Variants in TOX2 observed in about 807,000 individuals in gnomAD.
TOX2 encodes the protein TOX high mobility group box family member 2.
In TOX2, 15 loss-of-function variants were observed where a neutral mutation model predicts 47.4. The observed-to-expected ratio is 0.32, with a 90% CI of 0.21 to 0.49. TOX2 has a LOEUF of 0.49. TOX2 is among the 20% of genes least tolerant of loss of function. The probability of loss-of-function intolerance (pLI) is 0.99; values close to 1 mark genes in which losing one functional copy is unlikely to be tolerated. For synonymous variants in TOX2, 290 were observed against 296.6 expected, an observed-to-expected ratio of 0.98 and a Z score of 0.23; for missense variants, 622 against 673.1, an observed-to-expected ratio of 0.92 and a Z score of 0.84.
chr20:44,026,900 G>A (rs1246803841), intron 3 of TOX2, among the ~76,000 whole-genome samples: 4 of 152,150 alleles, frequency 2.6e-5, no homozygotes, highest in African/African-American at 4.8e-5. Context: ...GATCTGGGAA[G>A]CTTTTCCTGC....
intron 1 of TOX2, among the ~76,000 whole-genome samples, chr20:43,965,038 C>G (rs1000678509): frequency 6.6e-6 from 1 of 152,160 alleles, no homozygotes; most frequent in Non-Finnish European, 1.5e-5. Flanking sequence ...CATTCAATAT[C>G]GAAAGCAAGA....
intron 3 of TOX2, among the ~76,000 whole-genome samples, chr20:44,028,511 C>T (rs9917429): frequency 0.18 from 27,860 of 152,218 alleles, 3,116 homozygotes; most frequent in African/African-American, 0.3. Flanking sequence ...GGATCACTCA[C>T]GCACTCATTC....
intron 2 of TOX2, among the ~76,000 whole-genome samples, chr20:43,974,095 A>G (rs1393806427): frequency 1.3e-5 from 2 of 152,176 alleles, no homozygotes; most frequent in Non-Finnish European, 2.9e-5. Flanking sequence ...GATGCCACAG[A>G]GGGTCCTTGC....
intron 3 of TOX2, among the ~76,000 whole-genome samples, chr20:44,038,317 G>T (rs935542688): frequency 6.6e-6 from 1 of 152,144 alleles, no homozygotes; most frequent in African/African-American, 2.4e-5. Flanking sequence ...GATCGCCTGA[G>T]CCTGGGAGGT....
At chr20:43,929,219 A>G (rs759532937) in intron 1 of TOX2, among the ~76,000 whole-genome samples, 1 of 152,172 alleles carries the variant, frequency 6.6e-6, no homozygotes, top group Non-Finnish European at 1.5e-5. Context: ...AAGCTGCTCA[A>G]TGGCTTTCTG....
intron 1 of TOX2, among the ~76,000 whole-genome samples, chr20:43,935,311 G>A (rs2069311171): frequency 6.6e-6 from 1 of 152,182 alleles, no homozygotes; most frequent in Non-Finnish European, 1.5e-5. Context: ...CTCCTGCGTA[G>A]GATGTTATAT....
chr20:44,066,237 C>T, intron 7 of TOX2, 130 bp downstream of exon 7: 1 of 994,826 alleles, frequency 1.0e-6, no homozygotes, highest in South Asian at 1.8e-5. Context: ...CCTCTCTGAG[C>T]CTCAGTTACC....
At chr20:44,045,469 T>C (rs1288112846) in intron 3 of TOX2, among the ~76,000 whole-genome samples, 1 of 152,212 alleles carries the variant, frequency 6.6e-6, no homozygotes, top group Non-Finnish European at 1.5e-5. Context: ...TGAAGTCTTT[T>C]GCAGTTTTCC....
chr20:43,971,744 T>C (rs1461798560), intron 1 of TOX2, among the ~76,000 whole-genome samples: 3 of 152,196 alleles, frequency 2.0e-5, no homozygotes, highest in Admixed American at 2.0e-4. Context: ...ATCCACACTG[T>C]GGAATACTGG....
At chr20:43,984,990 TATAC>T (rs1446276127) in intron 2 of TOX2, among the ~76,000 whole-genome samples, 4 of 152,278 alleles carry the variant, frequency 2.6e-5, no homozygotes, top group African/African-American at 9.6e-5. Flanking sequence ...ATGAAGATTT[TATAC>T]ATTGTTCATT....
chr20:43,917,569 C>G (rs1324011032), intron 1 of TOX2, among the ~76,000 whole-genome samples: 1 of 152,156 alleles, frequency 6.6e-6, no homozygotes, highest in African/African-American at 2.4e-5. Context: ...ATGCCCGACA[C>G]CTATGGGGCA....
intron 1 of TOX2, among the ~76,000 whole-genome samples, chr20:43,938,837 A>T (rs2069363996): frequency 6.6e-6 from 1 of 152,208 alleles, no homozygotes; most frequent in Non-Finnish European, 1.5e-5. Flanking sequence ...TGCCCCCAGC[A>T]CAATGGGTCC....
intron 3 of TOX2, among the ~76,000 whole-genome samples, chr20:44,043,755 C>A (rs2071371291): frequency 6.6e-6 from 1 of 152,128 alleles, no homozygotes; most frequent in Admixed American, 6.6e-5. Context: ...AACTCTCATA[C>A]AAATATAAGA....
At chr20:44,064,336 G>A (rs2071772203) in intron 5 of TOX2, among the ~76,000 whole-genome samples, 1 of 152,210 alleles carries the variant, frequency 6.6e-6, no homozygotes, top group Non-Finnish European at 1.5e-5. Flanking sequence ...AATAACATAT[G>A]AACCTAGGTC....
intron 1 of TOX2, chr20:43,945,951 C>G: frequency 6.2e-7 from 1 of 1,614,006 alleles, no homozygotes; most frequent in Non-Finnish European, 8.5e-7. Context: ...CGGGCGCGTT[C>G]TCTCGCTGCC....
intron 1 of TOX2, among the ~76,000 whole-genome samples, chr20:43,917,506 G>A (rs1471137450): frequency 4.6e-5 from 7 of 152,174 alleles, no homozygotes; most frequent in Admixed American, 3.3e-4. Context: ...CAAGAGGCTC[G>A]TTGCACAGGG....
intron 5 of TOX2, among the ~76,000 whole-genome samples, chr20:44,063,791 C>CACAT (rs2071763533): frequency 8.8e-6 from 1 of 114,216 alleles, no homozygotes; most frequent in Non-Finnish European, 2.0e-5. Context: ...TATATGTACA[C>CACAT]ACACACACAC....
chr20:44,065,569 C>T lies in TOX2; in HGVS notation c.961-143C>T. Reference sequence around the variant, plus strand: ...AGCCAAGGGGACTAAGGACCCTGTGCTATCTCTGGTTAGTCCAAGCTCTCT... The same window carrying T: ...AGCCAAGGGGACTAAGGACCCTGTGTTATCTCTGGTTAGTCCAAGCTCTCT... On this transcript the variant is annotated intron_variant, in intron 6 of 8. Transcript: ENST00000341197. 5 of 938,340 alleles carry T rather than the reference C, an allele frequency of 5.3e-6. 1 individual carries two copies. In the South Asian group the frequency reaches 8.8e-5, roughly 17 times the overall value. The allele number at this position is 938,340 out of a possible 1,614,324, so 58.1% of individuals were successfully genotyped here.
Position 43,916,187 on chromosome 20 carries a change from G to A in TOX2, c.99+1197G>A. 1 of 985,546 alleles carries A rather than the reference G, an allele frequency of 1.0e-6. No individual in the cohort carries two copies. Among genetic ancestry groups the A allele is most frequent in the Non-Finnish European group, 1.2e-6 (1 of 829,988 alleles). The allele number at this position is 985,546 out of a possible 1,614,324, so 61.1% of individuals were successfully genotyped here. On this transcript the variant is annotated intron_variant, in intron 1 of 8. Coordinates refer to ENST00000341197, the MANE Select transcript of TOX2 (RefSeq NM_001098797.2). This position sits in a 1 kb window ranked among gnomAD's most constrained non-coding sequence, Gnocchi z 5.0. ...TTTCCCGCAGCCCTGGCGCAGACGC[G>A]TGGGCTCCGTGGCGATGCGGGGTGA...
Sources: gnomAD v4.1 joint callset for allele counts (sites outside exome capture counted in the v4.1 genomes callset) on GRCh38, gnomAD v4.1.1 for gene constraint, Gnocchi (gnomAD v3.1) non-coding constraint, MANE v1.5 for transcripts, NCBI Gene and HGNC (gene_info 2026-07-23, HGNC 2026-07-21) for gene names.